The following GRIA3 variants were observed in gnomAD, a reference collection of about 807,000 sequenced individuals.
GRIA3 encodes glutamate ionotropic receptor AMPA type subunit 3, also known as glutamate receptor 3.
A neutral mutation model predicts 63.0 loss-of-function variants in GRIA3; 3 were observed. That is an observed-to-expected ratio of 0.05 (90% CI 0.02 to 0.12). The LOEUF (loss-of-function observed/expected upper bound fraction) is 0.12. Among genes scored for constraint, GRIA3 ranks in the 10% least tolerant of loss-of-function variants. The pLI, the probability that GRIA3 is intolerant of heterozygous loss-of-function variation, is 1.00. For synonymous variants in GRIA3, 274 were observed against 257.9 expected (o/e 1.06, Z -0.60); for missense variants, 347 against 700.9 (o/e 0.50, Z 5.70).
chrX:123,255,758 C>T (rs991371046), intron 3 of GRIA3, among the ~76,000 whole-genome samples: 1 of 109,509 alleles, frequency 9.1e-6, no homozygotes, highest in Non-Finnish European at 1.9e-5. Flanking sequence ...ACTCATGTAA[C>T]TTTATATTTT....
intron 3 of GRIA3, among the ~76,000 whole-genome samples, chrX:123,289,857 A>AC (rs1311566260): frequency 9.9e-5 from 11 of 110,690 alleles, no homozygotes; most frequent in African/African-American, 3.6e-4. Context: ...GCCAAATTCC[A>AC]CCCAGTGAGG....
In GRIA3 at chrX:123,375,541, C is replaced by G. The variant is rs762684849; in HGVS notation, c.751-19427C>G. Among the ~76,000 whole-genome samples, 5 of 111,519 alleles carry G rather than the reference C, an allele frequency of 4.5e-5. No homozygotes were observed. In the South Asian group the frequency reaches 1.9e-3, roughly 42 times the overall value. ...GAAAATGAGCAGGATAAGAGGCAGC[C>G]AACTTCACTTTGGCCTTTTTTTAAA... On this transcript the variant is annotated intron_variant, in intron 5 of 15. Transcript: ENST00000620443.
At chrX:123,258,480 A>G (rs910013447) in intron 3 of GRIA3, among the ~76,000 whole-genome samples, 1 of 111,234 alleles carries the variant, frequency 9.0e-6, no homozygotes, top group Non-Finnish European at 1.9e-5. Flanking sequence ...TCCTAAAACC[A>G]TGCCAGGGAG....
At chrX:123,422,631 G>A (rs1438840971) in intron 11 of GRIA3, among the ~76,000 whole-genome samples, 2 of 111,730 alleles carry the variant, frequency 1.8e-5, no homozygotes, top group African/African-American at 6.5e-5. Flanking sequence ...TGTAACCTGG[G>A]GCAAATCACT....
At chrX:123,370,697 TA>T (rs1052301011) in intron 5 of GRIA3, among the ~76,000 whole-genome samples, 6 of 111,072 alleles carry the variant, frequency 5.4e-5, no homozygotes, top group African/African-American at 2.0e-4. Flanking sequence ...TATTTTATTT[TA>T]AAGGGTTTTT....
intron 3 of GRIA3, among the ~76,000 whole-genome samples, chrX:123,260,391 T>TGAAAGAAA (rs767491689): frequency 3.5e-5 from 1 of 28,939 alleles, no homozygotes. Context: ...ATCTCAATTA[T>TGAAAGAAA]GAAAGAAAGA....
chrX:123,225,820 T>TCAC (rs2044243622), intron 2 of GRIA3, among the ~76,000 whole-genome samples: 1 of 111,292 alleles, frequency 9.0e-6, no homozygotes, highest in African/African-American at 3.3e-5. Context: ...GAGGCTTAAT[T>TCAC]CATTCTAAAC....
intron 4 of GRIA3, among the ~76,000 whole-genome samples, chrX:123,352,304 T>C (rs2045101342): frequency 8.9e-6 from 1 of 112,030 alleles, no homozygotes; most frequent in Non-Finnish European, 1.9e-5. Context: ...GGTCTCAAAC[T>C]CCCAACCTCA....
chrX:123,346,640 T>C (rs2045051632), intron 4 of GRIA3, among the ~76,000 whole-genome samples: 1 of 112,396 alleles, frequency 8.9e-6, no homozygotes, highest in African/African-American at 3.2e-5. Flanking sequence ...CTATAGCAAA[T>C]TATGAGTTAA....
At position 123,267,981 on chromosome X, in the gene GRIA3, C is replaced by G. The variant is rs771655280; in HGVS notation, c.508+14439C>G. Among the ~76,000 whole-genome samples the G allele has an allele frequency of 2.2e-4, 24 of 111,153 alleles. No homozygotes were observed. The East Asian group carries it at 6.5e-3, about 30-fold the overall frequency. On this transcript the variant is annotated intron_variant, in intron 3 of 15. Transcript: ENST00000620443. ...GAACACAGAAGAAAAGAGAGGGACA[C>G]TAAATCCAGGGAGAAAAAGAATAGT...
At chrX:123,411,471 C>G (rs1023406460) in intron 10 of GRIA3, among the ~76,000 whole-genome samples, 5 of 111,825 alleles carry the variant, frequency 4.5e-5, no homozygotes, top group African/African-American at 1.6e-4. Flanking sequence ...ATTAAAATTA[C>G]GTTTAAAGTC....
At chrX:123,369,953 C>T (rs188167985) in intron 5 of GRIA3, among the ~76,000 whole-genome samples, 158 of 111,479 alleles carry the variant, frequency 1.4e-3, no homozygotes, top group Admixed American at 7.7e-3. Flanking sequence ...TAGACAGGAT[C>T]CCTACATTCT....
intron 12 of GRIA3, among the ~76,000 whole-genome samples, chrX:123,429,799 C>A (rs1303106853): frequency 1.8e-5 from 2 of 111,044 alleles, no homozygotes; most frequent in African/African-American, 6.7e-5. Flanking sequence ...AGACTTGAAC[C>A]CTCAGATAAG....
At chrX:123,427,198 C>A (rs191936033) in intron 11 of GRIA3, among the ~76,000 whole-genome samples, 1 of 112,355 alleles carries the variant, frequency 8.9e-6, no homozygotes, top group East Asian at 2.8e-4. Flanking sequence ...GAATAGTGCT[C>A]ATTTTCCAGC....
At chrX:123,376,857 G>A (rs892198748) in intron 5 of GRIA3, among the ~76,000 whole-genome samples, 13 of 51,778 alleles carry the variant, frequency 2.5e-4, no homozygotes, top group Non-Finnish European at 1.7e-4. Flanking sequence ...TCAGGTGCCA[G>A]CCAACTCCTG....
intron 1 of GRIA3, among the ~76,000 whole-genome samples, chrX:123,185,224 G>A (rs1927229584): frequency 8.9e-6 from 1 of 111,782 alleles, no homozygotes; most frequent in Non-Finnish European, 1.9e-5. Flanking sequence ...AGCTGAGCGG[G>A]CAAGCGGCGA....
At chrX:123,397,728 G>A (rs1416578418) in intron 6 of GRIA3, among the ~76,000 whole-genome samples, 1 of 112,241 alleles carries the variant, frequency 8.9e-6, no homozygotes, top group African/African-American at 3.2e-5. Context: ...ACTAGAGAGA[G>A]AGAACTCCCC....
chrX:123,351,984 A>G lies in GRIA3; in HGVS notation c.697-2926A>G, dbSNP rs150514430. Reference sequence around the variant, plus strand: ...GGCCTGAATTAAAGCAGATATCTTGATAGCTCCAAGTTTTTCTGAACCTGA... The same window carrying G: ...GGCCTGAATTAAAGCAGATATCTTGGTAGCTCCAAGTTTTTCTGAACCTGA... On this transcript the variant is annotated intron_variant, in intron 4 of 15. Transcript: ENST00000620443. Among the ~76,000 whole-genome samples the G allele has an allele frequency of 2.9e-4, 33 of 112,323 alleles. No homozygotes were observed. In the East Asian group the frequency reaches 8.9e-3, roughly 30 times the overall value.
chrX:123,373,748 G>A (rs1603119740), intron 5 of GRIA3, among the ~76,000 whole-genome samples: 1 of 111,770 alleles, frequency 8.9e-6, no homozygotes, highest in South Asian at 3.7e-4. Flanking sequence ...GTAGATTCTG[G>A]ATATTAGCCC....
Sources: gnomAD v4.1 joint callset for allele counts (sites outside exome capture counted in the v4.1 genomes callset) on GRCh38, gnomAD v4.1.1 for gene constraint, MANE v1.5 for transcripts, NCBI Gene and HGNC (gene_info 2026-07-23, HGNC 2026-07-21) for gene names.